IRS1: variants seen among roughly 807,000 people sequenced by gnomAD.
IRS1 encodes the protein insulin receptor substrate 1.
In IRS1, 34 loss-of-function variants were observed where a neutral mutation model predicts 65.6. The observed-to-expected ratio is 0.52, with a 90% CI of 0.39 to 0.69. The LOEUF is 0.69. Among genes scored for constraint, IRS1 ranks in the 30% least tolerant of loss-of-function variants. The probability of loss-of-function intolerance (pLI) is 0.00; values close to 1 mark genes in which losing one functional copy is unlikely to be tolerated. For synonymous variants in IRS1, 699 were observed against 683.5 expected, an observed-to-expected ratio of 1.02 and a Z score of -0.35; for missense variants, 1,641 against 1,720.2, an observed-to-expected ratio of 0.95 and a Z score of 0.81.
chr2:226,787,412 C>T (rs901249229), intron 1 of IRS1, among the ~76,000 whole-genome samples: 2 of 152,148 alleles, frequency 1.3e-5, no homozygotes, highest in Non-Finnish European at 2.9e-5. Context: ...GTGAACTACA[C>T]AATCGGAATC....
chr2:226,750,907 G>A (rs974445717), intron 1 of IRS1, among the ~76,000 whole-genome samples: 1 of 152,164 alleles, frequency 6.6e-6, no homozygotes, highest in Non-Finnish European at 1.5e-5. Context: ...CAGCTTACAA[G>A]TGACCCCAGT....
rs1938273305 is a variant in IRS1, at chr2:226,733,723, A to T, written c.*2549T>A. On this transcript the variant is annotated 3_prime_UTR_variant, in exon 2 of 2. Transcript: ENST00000305123. ...TGGGAACTGAACACAAGGACTCAGC[A>T]GCTGACGTTGCTCAAAGGAAACCCT... 6.6e-6 allele frequency: 1 copy of T among 152,220 alleles called. No individual in the cohort carries two copies. The highest frequency in any genetic ancestry group is 6.5e-5 in the Admixed American group (1 of 15,282). 9.4% of individuals were successfully genotyped at this position (152,220 alleles called of 1,614,324 possible). A position where few individuals can be genotyped will look rare whatever the true frequency, so the allele number is the denominator to read the frequency against.
At chr2:226,743,067 C>A (rs910469937) in intron 1 of IRS1, among the ~76,000 whole-genome samples, 2 of 152,070 alleles carry the variant, frequency 1.3e-5, no homozygotes, top group Non-Finnish European at 2.9e-5. Context: ...CAGCTCCTCC[C>A]CTCAATTGCA....
chr2:226,795,862 C>T lies in IRS1; in HGVS notation c.2877G>A (p.Gly959=), dbSNP rs972327913. Residue 959 remains glycine (G), a synonymous_variant, in exon 1 of 2, where the codon GGG becomes GGA. Coordinates refer to ENST00000305123, the MANE Select transcript of IRS1 (RefSeq NM_005544.3). ...GRRAAWQEST[G]VEMGRLGPAP... is the part of the protein sequence containing the mutation. Reference sequence around the variant, plus strand: ...CAGGGCCCAGTCTGCCCATCTCGACCCCAGTGCTCTCCTGCCAGGCTGCCC... The same window carrying T: ...CAGGGCCCAGTCTGCCCATCTCGACTCCAGTGCTCTCCTGCCAGGCTGCCC... 3 of 1,613,510 alleles carry T rather than the reference C, an allele frequency of 1.9e-6. No individual in the cohort carries two copies. In the African/African-American group the frequency reaches 4.0e-5, roughly 22 times the overall value.
chr2:226,763,010 G>A (rs908409159), intron 1 of IRS1, among the ~76,000 whole-genome samples: 38 of 152,132 alleles, frequency 2.5e-4, no homozygotes, highest in African/African-American at 8.5e-4. Context: ...AAACTCATTT[G>A]GGAACATTTA....
intron 1 of IRS1, among the ~76,000 whole-genome samples, chr2:226,768,878 G>C (rs1574652116): frequency 2.6e-5 from 4 of 152,186 alleles, no homozygotes; most frequent in Admixed American, 2.0e-4. Flanking sequence ...CTCACGATCT[G>C]CCTGCCTCGG....
chr2:226,795,483 T>C lies in IRS1; in HGVS notation c.3256A>G (p.Lys1086Glu). 6.2e-7 allele frequency: 1 copy of C among 1,613,514 alleles called. No individual in the cohort carries two copies. The highest frequency in any genetic ancestry group is 8.5e-7 in the Non-Finnish European group (1 of 1,180,016). The change falls in exon 1 of 2, where the codon AAA becomes GAA. Residue 1086 changes from lysine (K) to glutamate (E), a missense_variant. Lys to Glu is a moderately conservative substitution (Grantham distance 56). Transcript: ENST00000305123. ...NLSPNRNQSA[K>E]VIRADPQGCR... is the part of the protein sequence containing the mutation. ...CCTTGTGGGTCTGCACGGATCACTTTGGCACTCTGGTTGCGGTTAGGACTG... is the reference window on the plus strand; with the variant it reads ...CCTTGTGGGTCTGCACGGATCACTTCGGCACTCTGGTTGCGGTTAGGACTG...
rs1250951027 is a variant in IRS1 at position 226,798,484 on chromosome 2, A to G, written c.255T>C (p.Ala85=). Residue 85 remains alanine, a synonymous_variant, in exon 1 of 2, where the codon GCT becomes GCC. Coordinates refer to ENST00000305123, the MANE Select transcript of IRS1 (RefSeq NM_005544.3). This position sits in a 1 kb window ranked among gnomAD's most constrained non-coding sequence, Gnocchi z 9.4. ...CAAAGTGCTCGTCCCGGGTGTAGAG[A>G]GCCACCAGGTGCTTGTTCTTGGAGT... The part of the protein sequence containing the change: ...RADSKNKHLV[A]LYTRDEHFAI... 1.2e-6 allele frequency: 2 copies of G among 1,614,004 alleles called. No individual in the cohort carries two copies. The highest frequency in any genetic ancestry group is 2.2e-5 in the South Asian group (2 of 91,074).
chr2:226,760,623 C>G (rs1410324771), intron 1 of IRS1, among the ~76,000 whole-genome samples: 1 of 152,110 alleles, frequency 6.6e-6, no homozygotes, highest in African/African-American at 2.4e-5. Context: ...CAACCCCACC[C>G]CCCTCCACAA....
intron 1 of IRS1, among the ~76,000 whole-genome samples, chr2:226,738,996 C>T (rs1335300207): frequency 1.3e-5 from 2 of 152,168 alleles, no homozygotes; most frequent in Non-Finnish European, 2.9e-5. Flanking sequence ...TGCACGGATG[C>T]ATAAGGACAG....
chr2:226,754,587 A>G (rs1011788980), intron 1 of IRS1, among the ~76,000 whole-genome samples: 8 of 152,272 alleles, frequency 5.3e-5, no homozygotes, highest in Non-Finnish European at 1.5e-5. Flanking sequence ...TTCAAAATCC[A>G]TGCTATTAAC....
chr2:226,794,985 G>C lies in IRS1; in HGVS notation c.*21+4C>G, dbSNP rs757264674. ...TCTTCTGACTTTGTCACCATGAAAC[G>C]CACCTGCTGTGATGTCCAGTTGAGC... On this transcript the variant is annotated splice_donor_region_variant and intron_variant, in intron 1 of 1. Transcript: ENST00000305123. The surrounding 1 kb of genome is among the most constrained non-coding windows in gnomAD (Gnocchi z 4.1). 9.0e-5 allele frequency: 145 copies of C among 1,612,082 alleles called. No homozygotes were observed. The highest frequency in any genetic ancestry group is 1.2e-4 in the Non-Finnish European group (144 of 1,179,084).
chr2:226,795,009 G>A lies in IRS1; in HGVS notation c.*1C>T. The A allele has an allele frequency of 6.2e-7, 1 of 1,613,230 alleles. No homozygotes were observed. The highest frequency in any genetic ancestry group is 8.5e-7 in the Non-Finnish European group (1 of 1,179,952). On this transcript the variant is annotated 3_prime_UTR_variant, in exon 1 of 2. Coordinates refer to ENST00000305123, the MANE Select transcript of IRS1 (RefSeq NM_005544.3). ...CGCACCTGCTGTGATGTCCAGTTGA[G>A]CTACTGACGGTCCTCTGGCTGCTTC...
intron 1 of IRS1, among the ~76,000 whole-genome samples, chr2:226,786,720 T>C (rs1282830194): frequency 7.7e-6 from 1 of 129,798 alleles, no homozygotes; most frequent in Non-Finnish European, 1.6e-5. Context: ...GTATCACCTA[T>C]ACAAAAATAC....
intron 1 of IRS1, among the ~76,000 whole-genome samples, chr2:226,770,782 C>A (rs1939147786): frequency 6.6e-6 from 1 of 152,188 alleles, no homozygotes; most frequent in South Asian, 2.1e-4. Context: ...TACCATGTAA[C>A]AGCTGTATCA....
Position 226,799,695 on chromosome 2 carries a change from A to G in IRS1, c.-957T>C. ...TCCTCCTCCTCGGAGAGTTGCCGAGAGCCCCAACCAAAACAAGCGGCGGCG... is the reference window on the plus strand; with the variant it reads ...TCCTCCTCCTCGGAGAGTTGCCGAGGGCCCCAACCAAAACAAGCGGCGGCG... On this transcript the variant is annotated 5_prime_UTR_variant, in exon 1 of 2. Coordinates refer to ENST00000305123, the MANE Select transcript of IRS1 (RefSeq NM_005544.3). The surrounding 1 kb of genome is among the most constrained non-coding windows in gnomAD (Gnocchi z 6.1). 1 of 999,868 alleles carries G rather than the reference A, an allele frequency of 1.0e-6. No individual in the cohort carries two copies. The highest frequency in any genetic ancestry group is 1.2e-6 in the Non-Finnish European group (1 of 830,100). 61.9% of individuals were successfully genotyped at this position (999,868 alleles called of 1,614,324 possible). A position where few individuals can be genotyped will look rare whatever the true frequency, so the allele number is the denominator to read the frequency against.
intron 1 of IRS1, among the ~76,000 whole-genome samples, chr2:226,757,584 G>C (rs746765414): frequency 5.3e-5 from 8 of 152,108 alleles, no homozygotes; most frequent in Non-Finnish European, 7.3e-5. Flanking sequence ...ATAGAGTCTT[G>C]TGTCCAAAGA....
At chr2:226,792,738 G>C (rs1939635359) in intron 1 of IRS1, among the ~76,000 whole-genome samples, 1 of 152,250 alleles carries the variant, frequency 6.6e-6, no homozygotes, top group Admixed American at 6.5e-5. Flanking sequence ...GACAGCAATT[G>C]CTGAGGAAGT....
intron 1 of IRS1, among the ~76,000 whole-genome samples, chr2:226,739,510 C>T (rs1435065320): frequency 6.6e-6 from 1 of 152,176 alleles, no homozygotes; most frequent in Non-Finnish European, 1.5e-5. Context: ...TCTTTGGAGA[C>T]AGCCAAAAAG....
Sources: gnomAD v4.1 joint callset for allele counts (sites outside exome capture counted in the v4.1 genomes callset) on GRCh38, gnomAD v4.1.1 for gene constraint, Gnocchi (gnomAD v3.1) non-coding constraint, MANE v1.5 for transcripts, NCBI Gene and HGNC (gene_info 2026-07-23, HGNC 2026-07-21) for gene names.